CELF1: variants seen among roughly 807,000 people sequenced by gnomAD.
The protein encoded by CELF1 is 50 kDa nuclear polyadenylated RNA-binding protein.
CELF1 carries 10 observed loss-of-function variants against 61.8 expected under a neutral mutation model. The observed-to-expected ratio is 0.16, with a 90% CI of 0.10 to 0.27. The LOEUF (loss-of-function observed/expected upper bound fraction) is 0.27, where lower values mean the gene tolerates loss of function less well. Among genes scored for constraint, CELF1 ranks in the 10% least tolerant of loss-of-function variants. CELF1 has a pLI of 1.00. For missense variants in CELF1, 380 were observed against 639.1 expected (o/e 0.59, Z 4.37); for synonymous variants, 236 against 225.1 (o/e 1.05, Z -0.43).
chr11:47,533,029 C>A (rs2096528023), intron 1 of CELF1, among the ~76,000 whole-genome samples: 1 of 151,944 alleles, frequency 6.6e-6, no homozygotes, highest in African/African-American at 2.4e-5. Flanking sequence ...GAGGTTGTTA[C>A]CATGGGAACC....
chr11:47,509,676 A>C (rs2094900815), intron 1 of CELF1, among the ~76,000 whole-genome samples: 2 of 152,150 alleles, frequency 1.3e-5, no homozygotes, highest in African/African-American at 4.8e-5. Context: ...GGATCACTTA[A>C]GGCCAGGAGT....
intron 2 of CELF1, among the ~76,000 whole-genome samples, chr11:47,558,963 GTAATA>G (rs1274549740): frequency 2.2e-5 from 3 of 133,636 alleles, no homozygotes; most frequent in South Asian, 2.2e-4. Flanking sequence ...CATATAATAT[GTAATA>G]TATTATATAT....
At chr11:47,475,566 CT>C in intron 12 of CELF1, 45 bp from the exon 13 acceptor site, 1 of 1,587,530 alleles carries the variant, frequency 6.3e-7, no homozygotes. Flanking sequence ...AAAGACTAAA[CT>C]GATGCCAAAG....
chr11:47,506,221 T>C lies in CELF1; in HGVS notation c.-153-5289A>G, dbSNP rs1023264656. ...GTGGGAGGATCACAAGGTCAAGAGA[T>C]AGAGACCATCCTGGCTAACACGATG... On this transcript the variant is annotated intron_variant, in intron 1 of 14. Transcript: ENST00000687097. 6.6e-5 allele frequency among the ~76,000 whole-genome samples: 10 copies of C among 150,762 alleles called. 1 individual carries two copies. Among genetic ancestry groups the C allele is most frequent in the Non-Finnish European group, 1.2e-4 (8 of 67,476 alleles).
At chr11:47,513,115 T>C (rs1488417353) in intron 1 of CELF1, among the ~76,000 whole-genome samples, 1 of 152,240 alleles carries the variant, frequency 6.6e-6, no homozygotes, top group Non-Finnish European at 1.5e-5. Flanking sequence ...AAAACTATAA[T>C]TGTATTTTCT....
intron 1 of CELF1, among the ~76,000 whole-genome samples, chr11:47,524,345 G>A (rs1597926114): frequency 6.6e-6 from 1 of 152,012 alleles, no homozygotes; most frequent in East Asian, 1.9e-4. Flanking sequence ...ATGTTTCTAA[G>A]GGAACCCAAA....
At chr11:47,493,098 C>A (rs753409380) in intron 3 of CELF1, among the ~76,000 whole-genome samples, 8 of 152,114 alleles carry the variant, frequency 5.3e-5, no homozygotes, top group Non-Finnish European at 8.8e-5. Context: ...AGCAGGGACT[C>A]AAGATTCTAG....
intron 1 of CELF1, among the ~76,000 whole-genome samples, chr11:47,503,932 T>C (rs1209746325): frequency 1.3e-5 from 2 of 152,228 alleles, no homozygotes; most frequent in Admixed American, 1.3e-4. Flanking sequence ...CCCAACACTT[T>C]GGGAGGCCAA....
upstream of CELF1, among the ~76,000 whole-genome samples, chr11:47,555,837 A>G (rs549088706): frequency 8.5e-5 from 13 of 152,094 alleles, no homozygotes; most frequent in East Asian, 1.9e-3. Context: ...TGTTTCTACT[A>G]AAAAATACAA....
intron 9 of CELF1, among the ~76,000 whole-genome samples, chr11:47,480,882 A>C (rs2082612958): frequency 6.6e-6 from 1 of 152,064 alleles, no homozygotes; most frequent in Admixed American, 6.6e-5. Context: ...CTAAAACTAC[A>C]AAAATTAGCC....
intron 9 of CELF1, among the ~76,000 whole-genome samples, chr11:47,480,485 T>G (rs1428091934): frequency 6.6e-6 from 1 of 152,110 alleles, no homozygotes; most frequent in Non-Finnish European, 1.5e-5. Flanking sequence ...TGAGATTAGC[T>G]CTTAGGGCAG....
chr11:47,526,378 A>T (rs907450481), intron 1 of CELF1, among the ~76,000 whole-genome samples: 1 of 152,216 alleles, frequency 6.6e-6, no homozygotes, highest in African/African-American at 2.4e-5. Context: ...ACAGAATTTG[A>T]ACAAGATGAT....
At chr11:47,509,970 A>G (rs1489599218) in intron 1 of CELF1, among the ~76,000 whole-genome samples, 2 of 151,774 alleles carry the variant, frequency 1.3e-5, no homozygotes, top group African/African-American at 4.8e-5. Context: ...GCTAAGGCAT[A>G]AGAATCACTT....
chr11:47,559,231 G>C (rs1309061964), intron 2 of CELF1, among the ~76,000 whole-genome samples: 1 of 151,300 alleles, frequency 6.6e-6, no homozygotes. Flanking sequence ...GAGTAGCTGG[G>C]ACTACAGGCA....
In CELF1 at chr11:47,550,478, C is replaced by T. The variant is rs377389725; in HGVS notation, c.-154+2514G>A. On this transcript the variant is annotated intron_variant, in intron 1 of 14. Coordinates refer to ENST00000687097, the MANE Select transcript of CELF1 (RefSeq NM_001376376.1). Reference sequence around the variant, plus strand: ...CCCGGGGGACAGGGTGTGCAGTGAGCACTCCAGTATGGTTGACAGAGCAAG... The same window carrying T: ...CCCGGGGGACAGGGTGTGCAGTGAGTACTCCAGTATGGTTGACAGAGCAAG... 9.2e-5 allele frequency among the ~76,000 whole-genome samples: 14 copies of T among 152,242 alleles called. 1 individual carries two copies. In the East Asian group the frequency reaches 2.5e-3, roughly 27 times the overall value.
At chr11:47,558,580 TA>T (rs2153790088) in intron 2 of CELF1, among the ~76,000 whole-genome samples, 1 of 110,984 alleles carries the variant, frequency 9.0e-6, no homozygotes, top group African/African-American at 3.9e-5. Context: ...TATAAATATA[TA>T]TATATATTTA....
intron 3 of CELF1, chr11:47,494,545 ACT>A (rs2092682387): frequency 2.2e-6 from 2 of 925,826 alleles, no homozygotes; most frequent in Non-Finnish European, 2.6e-6. Flanking sequence ...ATTCTTGAAC[ACT>A]CTCTTCTCTT....
chr11:47,518,977 T>C (rs1298868598), intron 1 of CELF1, among the ~76,000 whole-genome samples: 1 of 152,198 alleles, frequency 6.6e-6, no homozygotes, highest in South Asian at 2.1e-4. Context: ...GCAGGAAACT[T>C]TATTTTCTTT....
intron 2 of CELF1, among the ~76,000 whole-genome samples, chr11:47,559,259 G>T (rs2097218618): frequency 6.6e-6 from 1 of 151,134 alleles, no homozygotes; most frequent in Non-Finnish European, 1.5e-5. Flanking sequence ...TACAGATGGG[G>T]TTTCACCATG....
Sources: gnomAD v4.1 joint callset for allele counts (sites outside exome capture counted in the v4.1 genomes callset) on GRCh38, gnomAD v4.1.1 for gene constraint, MANE v1.5 for transcripts, NCBI Gene and HGNC (gene_info 2026-07-23, HGNC 2026-07-21) for gene names.